Variants in PRKACA observed in about 807,000 individuals in gnomAD.
The protein encoded by PRKACA is cAMP-dependent protein kinase catalytic subunit alpha.
A neutral mutation model predicts 45.8 loss-of-function variants in PRKACA; 9 were observed. The ratio of observed to expected loss-of-function variants is 0.20; its 90% CI spans 0.12 to 0.34. The LOEUF (loss-of-function observed/expected upper bound fraction) is 0.34, where lower values mean the gene tolerates loss of function less well. Ranked by LOEUF, PRKACA falls within the 10% of genes least tolerant of loss-of-function variation. The probability of loss-of-function intolerance (pLI) is 1.00; values close to 1 mark genes in which losing one functional copy is unlikely to be tolerated. For synonymous variants in PRKACA, 160 were observed against 178.6 expected (o/e 0.90, Z 0.83); for missense variants, 238 against 458.6 (o/e 0.52, Z 4.39).
At chr19:14,094,295 TCTC>T (rs1451609616) in intron 8 of PRKACA, among the ~76,000 whole-genome samples, 2 of 151,872 alleles carry the variant, frequency 1.3e-5, no homozygotes, top group African/African-American at 4.8e-5. Context: ...TTCAAGGAAT[TCTC>T]CTGTCTCAGC....
intron 4 of PRKACA, 78 bp from the exon 5 acceptor site, chr19:14,100,986 C>G: frequency 7.7e-7 from 1 of 1,297,006 alleles, no homozygotes; most frequent in Non-Finnish European, 1.1e-6. Context: ...GCCTCCCCGG[C>G]TGGTGTTCAA....
At position 14,109,801 on chromosome 19, in the gene PRKACA, G is replaced by A. The variant is rs1368025665; in HGVS notation, c.47-2392C>T. On this transcript the variant is annotated intron_variant, in intron 1 of 9. Transcript: ENST00000308677. ...AAAAATACAAAAATTAGCTGGGCACGGTGGCGCATGCCTGTAATCCCAGCT... is the reference window on the plus strand; with the variant it reads ...AAAAATACAAAAATTAGCTGGGCACAGTGGCGCATGCCTGTAATCCCAGCT... Among the ~76,000 whole-genome samples, 14 of 149,520 alleles carry A rather than the reference G, an allele frequency of 9.4e-5. 1 individual carries two copies. Among genetic ancestry groups the A allele is most frequent in the Admixed American group, 4.7e-4 (7 of 15,002 alleles).
intron 1 of PRKACA, among the ~76,000 whole-genome samples, chr19:14,115,833 C>A (rs987858386): frequency 6.6e-6 from 1 of 152,118 alleles, no homozygotes; most frequent in African/African-American, 2.4e-5. Context: ...CTCTACCTTC[C>A]ACCTCCCAGC....
chr19:14,095,643 G>A (rs539398139), intron 8 of PRKACA, among the ~76,000 whole-genome samples: 3 of 151,574 alleles, frequency 2.0e-5, no homozygotes, highest in Non-Finnish European at 2.9e-5. Context: ...TCAGCCTCCC[G>A]AGTAGCTGGG....
chr19:14,104,322 G>C (rs1174285669), intron 3 of PRKACA, among the ~76,000 whole-genome samples: 1 of 143,228 alleles, frequency 7.0e-6, no homozygotes, highest in East Asian at 2.0e-4. Flanking sequence ...GGGTGGCAGA[G>C]CGAGACTCCG....
intron 1 of PRKACA, chr19:14,115,249 A>G (rs949269750): frequency 1.2e-5 from 4 of 333,216 alleles, no homozygotes; most frequent in Non-Finnish European, 1.7e-5. Flanking sequence ...TATAACTGGC[A>G]TGGCAATCCC....
intron 1 of PRKACA, 35 bp from the exon 2 acceptor site, chr19:14,107,444 G>A (rs888665570): frequency 1.3e-5 from 21 of 1,601,704 alleles, no homozygotes; most frequent in Admixed American, 1.7e-5. Context: ...ATACAGAGAC[G>A]CCCGTCTCAC....
At position 14,106,906 on chromosome 19, in the gene PRKACA, G is replaced by A. The variant is rs201474424; in HGVS notation, c.109-18C>T. 8.8e-4 allele frequency: 1,427 copies of A among 1,613,868 alleles called. 8 individuals are homozygous for A. The highest frequency in any genetic ancestry group is 6.5e-3 in the South Asian group (590 of 91,060). On this transcript the variant is annotated intron_variant, in intron 2 of 9. Coordinates refer to ENST00000308677, the MANE Select transcript of PRKACA (RefSeq NM_002730.4). ...GCTGTGTTCTGTGGGCAGAGGGGTC[G>A]GTAGGCTCAGGGCACGCCCTCCCCG...
Position 14,117,648 on chromosome 19 carries a change from C to T in PRKACA, c.-101G>A. 1 of 669,826 alleles carries T rather than the reference C, an allele frequency of 1.5e-6. No homozygotes were observed. Among genetic ancestry groups the T allele is most frequent in the Non-Finnish European group, 1.8e-6 (1 of 543,824 alleles). 41.5% of individuals were successfully genotyped at this position (669,826 alleles called of 1,614,324 possible). ...GCGCTGGGCGGCGGCGGCGGCGGCC[C>T]TCGGGCTGGCTGCGCTAGCTGCGGC... is the stretch of plus-strand genomic sequence containing the variant. On this transcript the variant is annotated 5_prime_UTR_variant, in exon 1 of 10. Coordinates refer to ENST00000308677, the MANE Select transcript of PRKACA (RefSeq NM_002730.4).
At chr19:14,106,952 T>C (rs1977629164) in intron 2 of PRKACA, 64 bp from the exon 3 acceptor site, 2 of 1,587,546 alleles carry the variant, frequency 1.3e-6, no homozygotes, top group African/African-American at 2.7e-5. Flanking sequence ...GGCTAAGGTC[T>C]GGGGCATCCC....
In PRKACA at chr19:14,096,036, T is replaced by G. The variant is rs1189055134; in HGVS notation, c.765+1325A>C. Among the ~76,000 whole-genome samples, 43 of 142,286 alleles carry G rather than the reference T, an allele frequency of 3.0e-4. No individual in the cohort carries two copies. The South Asian group carries it at 5.0e-3, about 17-fold the overall frequency. 93.3% of individuals were successfully genotyped at this position (142,286 alleles called of 152,430 possible). A position where few individuals can be genotyped will look rare whatever the true frequency, so the allele number is the denominator to read the frequency against. On this transcript the variant is annotated intron_variant, in intron 8 of 9. Coordinates refer to ENST00000308677, the MANE Select transcript of PRKACA (RefSeq NM_002730.4). ...ATCACGCCCAGCTAATTTTTAGTTT[T>G]TTTTTTTTTTTTTTTTTTTTGAGAC...
chr19:14,117,394 T>C, intron 1 of PRKACA, 108 bp downstream of exon 1: 1 of 1,079,180 alleles, frequency 9.3e-7, no homozygotes, highest in Non-Finnish European at 1.1e-6. Flanking sequence ...CGCTGGGGGG[T>C]AGGCAGAGAG....
At chr19:14,114,030 C>A in intron 1 of PRKACA, 1 of 1,338,080 alleles carries the variant, frequency 7.5e-7, no homozygotes, top group Non-Finnish European at 1.1e-6. Context: ...GGGTTCACAT[C>A]CTTCTTCTCT....
Position 14,092,717 on chromosome 19 carries a change from T to C in PRKACA, c.*395A>G. On this transcript the variant is annotated 3_prime_UTR_variant, in exon 10 of 10. Coordinates refer to ENST00000308677, the MANE Select transcript of PRKACA (RefSeq NM_002730.4). Reference sequence around the variant, plus strand: ...GGCCTGTGGTTGGGTGGGATGGGGGTGTGGGTGGGGGCTGGAGTTAAGCGT... The same window carrying C: ...GGCCTGTGGTTGGGTGGGATGGGGGCGTGGGTGGGGGCTGGAGTTAAGCGT... 1 of 344,614 alleles carries C rather than the reference T, an allele frequency of 2.9e-6. No individual in the cohort carries two copies. Among genetic ancestry groups the C allele is most frequent in the Non-Finnish European group, 5.2e-6 (1 of 193,976 alleles). 21.3% of individuals were successfully genotyped at this position (344,614 alleles called of 1,614,324 possible). A position where few individuals can be genotyped will look rare whatever the true frequency, so the allele number is the denominator to read the frequency against.
intron 5 of PRKACA, chr19:14,098,472 G>A (rs35041984): frequency 0.16 from 23,876 of 145,952 alleles, 2,148 homozygotes; most frequent in African/African-American, 0.26. Context: ...GTGTGTGTGT[G>A]TATATATATA....
intron 1 of PRKACA, chr19:14,107,771 T>G: frequency 2.9e-6 from 3 of 1,029,744 alleles, no homozygotes; most frequent in East Asian, 9.2e-5. Context: ...GATTTGGCTG[T>G]TCCTCTGGCC....
chr19:14,114,596 C>A (rs548134887), intron 1 of PRKACA, among the ~76,000 whole-genome samples: 22 of 152,148 alleles, frequency 1.4e-4, no homozygotes, highest in Admixed American at 3.9e-4. Context: ...TGGGCCAGCT[C>A]CCAGGGGTAT....
chr19:14,110,486 T>C lies in PRKACA; in HGVS notation c.47-3077A>G, dbSNP rs547322032. On this transcript the variant is annotated intron_variant, in intron 1 of 9. Transcript: ENST00000308677. ...ACTCAGGAGGCAGAGGTGGGAGGAT[T>C]GTTCAAGCCCGGGACATAGAGCCTG... 6.6e-5 allele frequency among the ~76,000 whole-genome samples: 10 copies of C among 151,710 alleles called. 1 individual carries two copies. Among genetic ancestry groups the C allele is most frequent in the African/African-American group, 2.4e-4 (10 of 41,348 alleles).
chr19:14,116,491 G>A (rs961521670), intron 1 of PRKACA, among the ~76,000 whole-genome samples: 1 of 152,102 alleles, frequency 6.6e-6, no homozygotes, highest in South Asian at 2.1e-4. Flanking sequence ...AGTTAGAACC[G>A]AATGAACCTC....
Sources: allele counts gnomAD v4.1 joint callset (sites outside exome capture counted in the v4.1 genomes callset), GRCh38; gene constraint gnomAD v4.1.1; transcripts MANE v1.5; gene names NCBI Gene and HGNC (gene_info 2026-07-23, HGNC 2026-07-21).